Variants in SORCS3 observed in about 807,000 individuals in gnomAD.
The protein encoded by SORCS3 is sortilin related VPS10 domain containing receptor 3.
A neutral mutation model predicts 146.3 loss-of-function variants in SORCS3; 57 were observed. The observed-to-expected ratio is 0.39, with a 90% CI of 0.31 to 0.49. The LOEUF (loss-of-function observed/expected upper bound fraction) is 0.49, where lower values mean the gene tolerates loss of function less well. SORCS3 is among the 20% of genes least tolerant of loss of function. The pLI, the probability that SORCS3 is intolerant of heterozygous loss-of-function variation, is 0.92. For synonymous variants in SORCS3, 653 were observed against 618.5 expected (o/e 1.06, Z -0.83); for missense variants, 1,341 against 1,575.5 (o/e 0.85, Z 2.52).
chr10:104,851,820 CAATT>C (rs1027375168), intron 2 of SORCS3, among the ~76,000 whole-genome samples: 7 of 152,070 alleles, frequency 4.6e-5, no homozygotes, highest in African/African-American at 1.5e-4. Flanking sequence ...GTTTGGTGGC[CAATT>C]ACTTTATTGG....
At chr10:104,915,806 CCT>C (rs749322611) in intron 2 of SORCS3, 25 bp from the exon 3 acceptor site, 3 of 1,595,754 alleles carry the variant, frequency 1.9e-6, no homozygotes, top group African/African-American at 2.7e-5. Context: ...ATGATCTCTC[CCT>C]CTCTGTTTTC....
At chr10:105,193,395 T>C (rs1046088590) in intron 14 of SORCS3, among the ~76,000 whole-genome samples, 1 of 152,198 alleles carries the variant, frequency 6.6e-6, no homozygotes, top group Non-Finnish European at 1.5e-5. Context: ...ATTCTATCAT[T>C]AATCAACCCA....
chr10:105,138,984 A>G (rs1020786970), intron 7 of SORCS3, among the ~76,000 whole-genome samples: 2 of 152,260 alleles, frequency 1.3e-5, no homozygotes, highest in African/African-American at 4.8e-5. Flanking sequence ...ATTCAGATCC[A>G]GGAAAAATAC....
rs1311871219 is a variant in SORCS3, at chr10:104,696,510, A to ATATATTATATAC, written c.627+54556_627+54557insTATATTATATAC. Among the ~76,000 whole-genome samples the ATATATTATATAC allele has an allele frequency of 1.7e-3, 149 of 89,166 alleles. 17 individuals carry two copies. The highest frequency in any genetic ancestry group is 7.2e-3 in the African/African-American group (142 of 19,718). The allele number at this position is 89,166 out of a possible 152,430, so 58.5% of individuals were successfully genotyped here. A position where few individuals can be genotyped will look rare whatever the true frequency, so the allele number is the denominator to read the frequency against. ...ATAATATATAATATATATAATATAT[A>ATATATTATATAC]ATATATAATATAGAATATATATTAT... is the stretch of plus-strand genomic sequence containing the variant. On this transcript the variant is annotated intron_variant, in intron 1 of 26. Transcript: ENST00000369701.
rs2056283139 is a variant in SORCS3, at chr10:105,163,372, A to G, written c.1733-931A>G. ...AAGAAAAAATATCAGCCAGTAAGAT[A>G]AACTCTTACATGTTTAGGGTTCCTT... On this transcript the variant is annotated intron_variant, in intron 11 of 26. Coordinates refer to ENST00000369701, the MANE Select transcript of SORCS3 (RefSeq NM_014978.3). Among the ~76,000 whole-genome samples, 3 of 152,206 alleles carry G rather than the reference A, an allele frequency of 2.0e-5. No homozygotes were observed. The South Asian group carries it at 6.2e-4, about 32-fold the overall frequency.
chr10:105,066,445 G>T (rs780660385), intron 5 of SORCS3, among the ~76,000 whole-genome samples: 12 of 152,152 alleles, frequency 7.9e-5, no homozygotes, highest in Non-Finnish European at 1.2e-4. Context: ...ACAGGCTGGG[G>T]CACCCCCTTC....
intron 21 of SORCS3, 73 bp downstream of exon 21, chr10:105,245,738 C>T: frequency 6.6e-7 from 1 of 1,524,898 alleles, no homozygotes; most frequent in Non-Finnish European, 8.9e-7. Flanking sequence ...TCCCTACAAT[C>T]ATTGAGTGTG....
intron 20 of SORCS3, among the ~76,000 whole-genome samples, chr10:105,228,024 TG>T (rs1452946575): frequency 6.6e-6 from 1 of 150,976 alleles, no homozygotes; most frequent in East Asian, 1.9e-4. Context: ...TGTGTGTGTG[TG>T]TGTGTGTGTA....
At chr10:105,105,740 G>A (rs527729295) in intron 7 of SORCS3, among the ~76,000 whole-genome samples, 75 of 152,294 alleles carry the variant, frequency 4.9e-4, no homozygotes, top group East Asian at 5.8e-4. Flanking sequence ...CACAGGAGCT[G>A]TCTGAATTGG....
chr10:104,699,873 T>C (rs150547303), intron 1 of SORCS3, among the ~76,000 whole-genome samples: 3 of 152,352 alleles, frequency 2.0e-5, no homozygotes, highest in East Asian at 1.9e-4. Flanking sequence ...TTACCTGTTA[T>C]GGTAACTGCA....
intron 14 of SORCS3, among the ~76,000 whole-genome samples, chr10:105,182,071 C>T (rs566400221): frequency 2.7e-4 from 40 of 149,000 alleles, no homozygotes; most frequent in African/African-American, 9.8e-4. Context: ...CTAGCAGCTT[C>T]CTAGAAAAAA....
intron 9 of SORCS3, among the ~76,000 whole-genome samples, chr10:105,151,842 A>G (rs1488978967): frequency 1.3e-5 from 2 of 152,126 alleles, no homozygotes; most frequent in African/African-American, 2.4e-5. Flanking sequence ...CAATGTTGTC[A>G]TGACTATAAT....
At chr10:105,009,048 C>T (rs931908450) in intron 4 of SORCS3, among the ~76,000 whole-genome samples, 5 of 152,170 alleles carry the variant, frequency 3.3e-5, no homozygotes, top group African/African-American at 1.2e-4. Context: ...TCAGATCTAA[C>T]GCGTAGTTAT....
At chr10:105,034,552 G>A (rs1206009563) in intron 4 of SORCS3, among the ~76,000 whole-genome samples, 1 of 152,044 alleles carries the variant, frequency 6.6e-6, no homozygotes, top group Non-Finnish European at 1.5e-5. Flanking sequence ...ATTTCATAGG[G>A]TAGGCACTGG....
intron 2 of SORCS3, among the ~76,000 whole-genome samples, chr10:104,865,503 A>G (rs1005794512): frequency 5.3e-5 from 8 of 152,196 alleles, no homozygotes; most frequent in African/African-American, 1.7e-4. Flanking sequence ...ACCATCCTTT[A>G]TTAGGGAAAG....
intron 3 of SORCS3, among the ~76,000 whole-genome samples, chr10:104,966,005 T>A (rs1218842386): frequency 1.3e-5 from 2 of 152,148 alleles, no homozygotes; most frequent in African/African-American, 4.8e-5. Context: ...CCGTGACATT[T>A]ATATGTAGTT....
At chr10:104,758,161 A>C (rs1012448418) in intron 1 of SORCS3, among the ~76,000 whole-genome samples, 4 of 152,150 alleles carry the variant, frequency 2.6e-5, no homozygotes, top group Non-Finnish European at 4.4e-5. Flanking sequence ...GTTTCGAGGC[A>C]AGGAAAATTC....
chr10:105,107,167 GGTCA>G (rs1334119331), intron 7 of SORCS3, among the ~76,000 whole-genome samples: 3 of 152,112 alleles, frequency 2.0e-5, no homozygotes, highest in African/African-American at 7.2e-5. Flanking sequence ...CCCCCTACCA[GGTCA>G]GTCAAAGTCA....
Position 104,705,224 on chromosome 10 carries a change from CGT to C in SORCS3, c.627+63271_627+63272del, listed in dbSNP as rs1491348769. On this transcript the variant is annotated intron_variant, in intron 1 of 26. Transcript: ENST00000369701. ...TCATCTTTTGATATGGGCAGGCCTT[CGT>C]TTTTTTTTTTTTTTTTTTAATTGGT... Among the ~76,000 whole-genome samples, 7 of 66,972 alleles carry C rather than the reference CGT, an allele frequency of 1.0e-4. No individual in the cohort carries two copies. The East Asian group carries it at 3.3e-3, about 32-fold the overall frequency. 43.9% of individuals were successfully genotyped at this position (66,972 alleles called of 152,430 possible). A position where few individuals can be genotyped will look rare whatever the true frequency, so the allele number is the denominator to read the frequency against.
Sources: gnomAD v4.1 joint callset for allele counts (sites outside exome capture counted in the v4.1 genomes callset) on GRCh38, gnomAD v4.1.1 for gene constraint, MANE v1.5 for transcripts, NCBI Gene and HGNC (gene_info 2026-07-23, HGNC 2026-07-21) for gene names.